Variants in PDSS2 observed in about 807,000 individuals in gnomAD.
The protein encoded by PDSS2 is decaprenyl diphosphate synthase subunit 2.
In PDSS2, 31 loss-of-function variants were observed where a neutral mutation model predicts 44.5. The observed-to-expected ratio is 0.70, with a 90% CI of 0.52 to 0.94. The LOEUF (loss-of-function observed/expected upper bound fraction) is 0.94. PDSS2 is among the 40% of genes least tolerant of loss of function. The pLI is 0.00. For missense variants in PDSS2, 452 were observed against 482.2 expected (o/e 0.94, Z 0.59); for synonymous variants, 157 against 180.3 (o/e 0.87, Z 1.03).
intron 7 of PDSS2, among the ~76,000 whole-genome samples, chr6:107,185,820 T>A (rs913565655): frequency 6.6e-6 from 1 of 152,190 alleles, no homozygotes; most frequent in Non-Finnish European, 1.5e-5. Context: ...CGGCTCTGCC[T>A]AACCTTGAGG....
chr6:107,231,699 C>G (rs1477778854), intron 4 of PDSS2, among the ~76,000 whole-genome samples: 1 of 152,200 alleles, frequency 6.6e-6, no homozygotes, highest in African/African-American at 2.4e-5. Context: ...AAAATTATCA[C>G]CTGGCTGGGC....
chr6:107,195,613 T>G (rs1217529367), intron 6 of PDSS2, among the ~76,000 whole-genome samples: 1 of 147,030 alleles, frequency 6.8e-6, no homozygotes, highest in Non-Finnish European at 1.5e-5. Context: ...CAGGCTGGAG[T>G]GCAGTGGTGT....
At chr6:107,221,143 C>G (rs1447340048) in intron 4 of PDSS2, among the ~76,000 whole-genome samples, 2 of 152,078 alleles carry the variant, frequency 1.3e-5, no homozygotes, top group African/African-American at 2.4e-5. Flanking sequence ...GAGATTGAGA[C>G]CATCCTGGCT....
chr6:107,372,613 G>A (rs1779162051), intron 1 of PDSS2, among the ~76,000 whole-genome samples: 2 of 151,776 alleles, frequency 1.3e-5, no homozygotes, highest in East Asian at 2.0e-4. Context: ...CACCACGCTC[G>A]GCTAATTGTT....
intron 2 of PDSS2, among the ~76,000 whole-genome samples, chr6:107,286,924 C>T (rs1373375164): frequency 6.6e-6 from 1 of 152,064 alleles, no homozygotes; most frequent in African/African-American, 2.4e-5. Context: ...CCTGTAGTCC[C>T]AGCTACCCGG....
chr6:107,246,995 G>A (rs957966494), intron 3 of PDSS2, among the ~76,000 whole-genome samples: 1 of 152,136 alleles, frequency 6.6e-6, no homozygotes, highest in Admixed American at 6.5e-5. Context: ...TTATTTAAGT[G>A]GGGAAGAGAG....
intron 1 of PDSS2, among the ~76,000 whole-genome samples, chr6:107,454,979 T>A (rs1392094220): frequency 6.6e-6 from 1 of 152,160 alleles, no homozygotes; most frequent in Admixed American, 6.5e-5. Context: ...ATTGGCTGTC[T>A]ATGAGTTTAG....
At chr6:107,215,488 A>G (rs957809444) in intron 4 of PDSS2, among the ~76,000 whole-genome samples, 10 of 152,226 alleles carry the variant, frequency 6.6e-5, no homozygotes, top group Non-Finnish European at 8.8e-5. Context: ...ATGAGGAAAC[A>G]TGAGCCTTTC....
At position 107,213,576 on chromosome 6, in the gene PDSS2, T is replaced by C. The variant is rs182444022; in HGVS notation, c.703-1294A>G. Among the ~76,000 whole-genome samples the C allele has an allele frequency of 6.3e-3, 952 of 151,990 alleles. 9 individuals are homozygous for C. The highest frequency in any genetic ancestry group is 0.022 in the African/African-American group (921 of 41,512). Reference sequence around the variant, plus strand: ...GAGTTCAAGACTAGCCTAGCTAACATGGTGAAACCCTGTCTCTACTAAAAA... The same window carrying C: ...GAGTTCAAGACTAGCCTAGCTAACACGGTGAAACCCTGTCTCTACTAAAAA... On this transcript the variant is annotated intron_variant, in intron 4 of 7. Coordinates refer to ENST00000369037, the MANE Select transcript of PDSS2 (RefSeq NM_020381.4).
intron 3 of PDSS2, among the ~76,000 whole-genome samples, chr6:107,254,966 C>A (rs1361304546): frequency 6.6e-6 from 1 of 151,476 alleles, no homozygotes; most frequent in Non-Finnish European, 1.5e-5. Context: ...CAGGTTCAAG[C>A]GATTCTCCTG....
At chr6:107,263,180 C>T (rs191052508) in intron 3 of PDSS2, among the ~76,000 whole-genome samples, 2,283 of 54,954 alleles carry the variant, frequency 0.042, 58 homozygotes, top group African/African-American at 0.094. Context: ...TGGCCAGGCG[C>T]GGTGGCTTAC....
Position 107,153,247 on chromosome 6 carries a change from A to C in PDSS2, c.*1372T>G, listed in dbSNP as rs572009730. On this transcript the variant is annotated 3_prime_UTR_variant, in exon 8 of 8. Coordinates refer to ENST00000369037, the MANE Select transcript of PDSS2 (RefSeq NM_020381.4). ...GAGGAAGAAAGGTAGCTGAGTTTCAATCTAGATCATTTATGTAAACTCAGC... is the reference window on the plus strand; with the variant it reads ...GAGGAAGAAAGGTAGCTGAGTTTCACTCTAGATCATTTATGTAAACTCAGC... 6.6e-6 allele frequency: 1 copy of C among 152,648 alleles called. No individual in the cohort carries two copies. The highest frequency in any genetic ancestry group is 1.5e-5 in the Non-Finnish European group (1 of 68,050). The allele number at this position is 152,648 out of a possible 1,614,324, so 9.5% of individuals were successfully genotyped here.
At chr6:107,275,435 G>A (rs1161571205) in intron 2 of PDSS2, among the ~76,000 whole-genome samples, 1 of 152,030 alleles carries the variant, frequency 6.6e-6, no homozygotes, top group Non-Finnish European at 1.5e-5. Flanking sequence ...ATGTCTTTTG[G>A]TTTCCAAGCT....
At chr6:107,429,919 T>C (rs1474763429) in intron 1 of PDSS2, among the ~76,000 whole-genome samples, 1 of 107,250 alleles carries the variant, frequency 9.3e-6, no homozygotes, top group African/African-American at 3.8e-5. Flanking sequence ...TATATATATA[T>C]ATATATATAT....
chr6:107,253,748 G>A (rs1774905645), intron 3 of PDSS2, among the ~76,000 whole-genome samples: 1 of 152,102 alleles, frequency 6.6e-6, no homozygotes, highest in Non-Finnish European at 1.5e-5. Flanking sequence ...TTGAATAAAG[G>A]TGCATGGTCT....
At chr6:107,353,418 A>C (rs1464296334) in intron 1 of PDSS2, among the ~76,000 whole-genome samples, 1 of 152,242 alleles carries the variant, frequency 6.6e-6, no homozygotes, top group African/African-American at 2.4e-5. Context: ...ATGCTTTAAA[A>C]AGTCATAACC....
chr6:107,214,427 G>A (rs1206021158), intron 4 of PDSS2, among the ~76,000 whole-genome samples: 1 of 152,110 alleles, frequency 6.6e-6, no homozygotes, highest in African/African-American at 2.4e-5. Context: ...CAAAATCACT[G>A]TGCATTTTAT....
intron 1 of PDSS2, among the ~76,000 whole-genome samples, chr6:107,448,788 A>G (rs926067983): frequency 1.3e-5 from 2 of 152,208 alleles, no homozygotes; most frequent in Non-Finnish European, 2.9e-5. Context: ...TAACTTATAA[A>G]GAAAAGAGGT....
chr6:107,369,374 C>T (rs1779061892), intron 1 of PDSS2, among the ~76,000 whole-genome samples: 1 of 152,138 alleles, frequency 6.6e-6, no homozygotes, highest in African/African-American at 2.4e-5. Context: ...GCTGAGATTG[C>T]AACATTGCCC....
Sources: gnomAD v4.1 joint callset for allele counts (sites outside exome capture counted in the v4.1 genomes callset) on GRCh38, gnomAD v4.1.1 for gene constraint, MANE v1.5 for transcripts, NCBI Gene and HGNC (gene_info 2026-07-23, HGNC 2026-07-21) for gene names.